VAV3: variants seen among roughly 807,000 people sequenced by gnomAD.
The protein encoded by VAV3 is guanine nucleotide exchange factor VAV3.
VAV3 carries 94 observed loss-of-function variants against 131.2 expected under a neutral mutation model. That is an observed-to-expected ratio of 0.72 (90% CI 0.61 to 0.85). The LOEUF is 0.85. Ranked by LOEUF, VAV3 falls within the 40% of genes least tolerant of loss-of-function variation. VAV3 has a pLI of 0.00. For synonymous variants in VAV3, 349 were observed against 342.0 expected (o/e 1.02, Z -0.22); for missense variants, 939 against 1,002.7 (o/e 0.94, Z 0.86).
chr1:107,649,634 C>T (rs956159945), intron 19 of VAV3, among the ~76,000 whole-genome samples: 1 of 151,874 alleles, frequency 6.6e-6, no homozygotes, highest in Non-Finnish European at 1.5e-5. Context: ...TTTTCTTTCT[C>T]GCAACCAAAA....
rs1169976939 is a variant in VAV3, at chr1:107,954,537, T to A, written c.204+10129A>T. 6.1e-4 allele frequency among the ~76,000 whole-genome samples: 5 copies of A among 8,248 alleles called. 1 individual carries two copies. The highest frequency in any genetic ancestry group is 4.1e-3 in the Non-Finnish European group (3 of 734). 5.4% of individuals were successfully genotyped at this position (8,248 alleles called of 152,430 possible). Reference sequence around the variant, plus strand: ...CAGATTCAGTATCCTGAGGCAAATTTTTTTTTTTTTTTTTTTGAGATGAAG... The same window carrying A: ...CAGATTCAGTATCCTGAGGCAAATTATTTTTTTTTTTTTTTTGAGATGAAG... On this transcript the variant is annotated intron_variant, in intron 1 of 26. Coordinates refer to ENST00000370056, the MANE Select transcript of VAV3 (RefSeq NM_006113.5).
At chr1:107,698,286 G>A (rs141113017) in intron 17 of VAV3, among the ~76,000 whole-genome samples, 29 of 152,182 alleles carry the variant, frequency 1.9e-4, no homozygotes, top group Non-Finnish European at 3.1e-4. Flanking sequence ...ATATTTTCCC[G>A]GGCGAGCAAC....
At chr1:107,741,578 T>C (rs928287053) in intron 15 of VAV3, among the ~76,000 whole-genome samples, 1 of 152,152 alleles carries the variant, frequency 6.6e-6, no homozygotes, top group African/African-American at 2.4e-5. Flanking sequence ...TGAATGGATT[T>C]CAGGTGGAAA....
chr1:107,736,476 A>G (rs1268588307), intron 15 of VAV3, among the ~76,000 whole-genome samples: 2 of 152,192 alleles, frequency 1.3e-5, no homozygotes, highest in African/African-American at 4.8e-5. Context: ...CTCAGCCCAA[A>G]ATCTCCTTAA....
intron 2 of VAV3, among the ~76,000 whole-genome samples, chr1:107,827,974 T>C (rs1668086183): frequency 6.6e-6 from 1 of 152,178 alleles, no homozygotes; most frequent in African/African-American, 2.4e-5. Flanking sequence ...CACCCACAGA[T>C]GATCTGGGAC....
At chr1:107,757,387 A>G (rs1664171351) in intron 10 of VAV3, 58 bp from the exon 11 acceptor site, 1 of 1,381,836 alleles carries the variant, frequency 7.2e-7, no homozygotes, top group African/African-American at 1.5e-5. Flanking sequence ...AGACATACTA[A>G]AGAAAACATT....
At chr1:107,618,824 G>C (rs1288836315) in intron 20 of VAV3, among the ~76,000 whole-genome samples, 1 of 152,196 alleles carries the variant, frequency 6.6e-6, no homozygotes, top group East Asian at 1.9e-4. Context: ...AAGACAGTGG[G>C]ACTTAAATAT....
At chr1:107,626,898 G>A (rs1224120052) in intron 20 of VAV3, among the ~76,000 whole-genome samples, 2 of 152,188 alleles carry the variant, frequency 1.3e-5, no homozygotes, top group African/African-American at 2.4e-5. Flanking sequence ...TGATGATGAT[G>A]CAGACTAACA....
intron 19 of VAV3, among the ~76,000 whole-genome samples, chr1:107,647,480 A>G (rs1251570288): frequency 2.6e-5 from 4 of 151,962 alleles, no homozygotes; most frequent in African/African-American, 7.2e-5. Context: ...CAAACAGCCT[A>G]TAGTCAGTCC....
intron 1 of VAV3, among the ~76,000 whole-genome samples, chr1:107,894,465 A>C (rs191154814): frequency 6.6e-6 from 1 of 152,302 alleles, no homozygotes; most frequent in East Asian, 1.9e-4. Flanking sequence ...AAACAAGCTG[A>C]ACTCTCATAA....
At chr1:107,820,626 A>G (rs1667759121) in intron 2 of VAV3, among the ~76,000 whole-genome samples, 1 of 152,238 alleles carries the variant, frequency 6.6e-6, no homozygotes, top group Non-Finnish European at 1.5e-5. Context: ...TGGAATATTT[A>G]TAACACAAAG....
intron 19 of VAV3, among the ~76,000 whole-genome samples, chr1:107,646,570 T>C (rs1446532070): frequency 6.6e-6 from 1 of 152,092 alleles, no homozygotes; most frequent in Non-Finnish European, 1.5e-5. Flanking sequence ...TTAGATCTCC[T>C]GCCAGATGTT....
Position 107,770,693 on chromosome 1 carries a change from T to C in VAV3, c.591A>G (p.Leu197=), listed in dbSNP as rs758831238. The change falls in exon 6 of 27, where the codon CTA becomes CTG. Residue 197 remains leucine (L), a synonymous_variant. Transcript: ENST00000370056. ...CPENDIRSCC[L]AEIKQTEEKY... is the part of the protein sequence containing the mutation. ...TTTCTTCTGTCTGCTTAATTTCTGC[T>C]AGACAACAACTTCGTATATCATTTT... is the stretch of plus-strand genomic sequence containing the variant. The C allele has an allele frequency of 4.3e-6, 7 of 1,612,254 alleles. No individual in the cohort carries two copies. The highest frequency in any genetic ancestry group is 1.7e-5 in the Admixed American group (1 of 59,874).
At chr1:107,922,901 G>A (rs560491216) in intron 1 of VAV3, among the ~76,000 whole-genome samples, 45 of 149,370 alleles carry the variant, frequency 3.0e-4, no homozygotes, top group East Asian at 1.4e-3. Flanking sequence ...GCAGTGAGCC[G>A]AGATCGCGCC....
intron 1 of VAV3, among the ~76,000 whole-genome samples, chr1:107,928,292 G>A (rs1201655183): frequency 6.6e-6 from 1 of 152,076 alleles, no homozygotes; most frequent in African/African-American, 2.4e-5. Flanking sequence ...AAGAAAGATA[G>A]GTACAAACAA....
At chr1:107,768,365 G>A in intron 7 of VAV3, 76 bp downstream of exon 7, 1 of 1,083,972 alleles carries the variant, frequency 9.2e-7, no homozygotes. Context: ...TATTAAAATA[G>A]GGATCTGGAA....
intron 12 of VAV3, among the ~76,000 whole-genome samples, chr1:107,751,903 G>A (rs1301995366): frequency 6.6e-6 from 1 of 152,162 alleles, no homozygotes; most frequent in Non-Finnish European, 1.5e-5. Flanking sequence ...ATAAAGGGCA[G>A]AGATGTGTGA....
At chr1:107,824,959 C>G (rs138927064) in intron 2 of VAV3, among the ~76,000 whole-genome samples, 1 of 152,100 alleles carries the variant, frequency 6.6e-6, no homozygotes, top group East Asian at 1.9e-4. Flanking sequence ...TCCCATTATT[C>G]GAAATGAGGT....
intron 2 of VAV3, among the ~76,000 whole-genome samples, chr1:107,807,745 C>A (rs757975396): frequency 1.3e-5 from 2 of 152,220 alleles, no homozygotes; most frequent in Non-Finnish European, 2.9e-5. Context: ...GACCTTTTAA[C>A]TTTACCTTGA....
Sources: allele counts gnomAD v4.1 joint callset (sites outside exome capture counted in the v4.1 genomes callset), GRCh38; gene constraint gnomAD v4.1.1; transcripts MANE v1.5; gene names NCBI Gene and HGNC (gene_info 2026-07-23, HGNC 2026-07-21).